Variants in VWF observed in about 807,000 individuals in gnomAD.
VWF encodes Factor VIII related antigen.
VWF carries 176 observed loss-of-function variants against 308.6 expected under a neutral mutation model. That is an observed-to-expected ratio of 0.57 (90% CI 0.50 to 0.65). VWF has a LOEUF of 0.65. Ranked by LOEUF, VWF falls within the 30% of genes least tolerant of loss-of-function variation. The pLI is 0.00. For missense variants in VWF, 3,146 were observed against 3,648.2 expected (o/e 0.86, Z 3.55); for synonymous variants, 1,385 against 1,443.4 (o/e 0.96, Z 0.92).
chr12:5,953,952 G>T, intron 47 of VWF: 4 of 254,448 alleles, frequency 1.6e-5, no homozygotes, highest in South Asian at 1.1e-4. Flanking sequence ...ATCTTTCTCT[G>T]GTATTCCCTA....
intron 47 of VWF, among the ~76,000 whole-genome samples, chr12:5,962,052 T>C (rs1289587966): frequency 5.9e-5 from 9 of 152,124 alleles, no homozygotes; most frequent in Non-Finnish European, 1.5e-5. Context: ...GCACTGCCTA[T>C]GAGGAACAGG....
At chr12:5,975,923 G>A (rs1032964041) in intron 43 of VWF, among the ~76,000 whole-genome samples, 188 bp downstream of exon 43, 1 of 151,892 alleles carries the variant, frequency 6.6e-6, no homozygotes, top group South Asian at 2.1e-4. Context: ...AACCTTTCTT[G>A]CCCTTCCTCG....
chr12:5,981,011 T>C (rs920776459), intron 42 of VWF, among the ~76,000 whole-genome samples: 8 of 152,230 alleles, frequency 5.3e-5, no homozygotes, highest in Admixed American at 4.6e-4. Flanking sequence ...ATCTGTACCA[T>C]TCGTTGACAC....
chr12:6,105,926 C>T (rs908860522), intron 5 of VWF, among the ~76,000 whole-genome samples: 1 of 152,030 alleles, frequency 6.6e-6, no homozygotes, highest in African/African-American at 2.4e-5. Context: ...GCCTGTAGTC[C>T]CAGCTACTCA....
intron 42 of VWF, among the ~76,000 whole-genome samples, chr12:5,976,500 T>A (rs1027679221): frequency 3.3e-5 from 5 of 151,996 alleles, no homozygotes; most frequent in African/African-American, 1.2e-4. Context: ...CGTGAGGCCT[T>A]CATGGTCCCA....
rs1460175399 is a variant in VWF at position 6,046,569 on chromosome 12, A to G, written c.2281+154T>C. 2.0e-5 allele frequency among the ~76,000 whole-genome samples: 3 copies of G among 152,256 alleles called. No homozygotes were observed. The highest frequency in any genetic ancestry group is 2.9e-5 in the Non-Finnish European group (2 of 68,044). ...CCTTGGCCTGAAAGTCACTCACACAAACCCAGAAATGAAGGCGATCCTGGG... is the reference window on the plus strand; with the variant it reads ...CCTTGGCCTGAAAGTCACTCACACAGACCCAGAAATGAAGGCGATCCTGGG... On this transcript the variant is annotated intron_variant, in intron 17 of 51. Transcript: ENST00000261405. The surrounding 1 kb of genome is among the most constrained non-coding windows in gnomAD (Gnocchi z 5.0).
At chr12:5,971,289 G>C (rs1943470270) in intron 44 of VWF, among the ~76,000 whole-genome samples, 1 of 152,234 alleles carries the variant, frequency 6.6e-6, no homozygotes, top group Admixed American at 6.5e-5. Context: ...CTTTGGAGGG[G>C]TGGTGAGGCC....
intron 3 of VWF, among the ~76,000 whole-genome samples, chr12:6,112,426 G>C (rs1591925552): frequency 6.6e-6 from 1 of 152,176 alleles, no homozygotes; most frequent in African/African-American, 2.4e-5. Context: ...GGAAAATAGA[G>C]AGTCTGGTCT....
Position 6,117,448 on chromosome 12 carries a change from C to T in VWF, c.220+3726G>A, listed in dbSNP as rs150237355. Reference sequence around the variant, plus strand: ...CCCAGCAGCCCCTGTCTCTGCATGGCGATTCCAAGTGAACACCCCATGTTA... The same window carrying T: ...CCCAGCAGCCCCTGTCTCTGCATGGTGATTCCAAGTGAACACCCCATGTTA... On this transcript the variant is annotated intron_variant, in intron 3 of 51. Coordinates refer to ENST00000261405, the MANE Select transcript of VWF (RefSeq NM_000552.5). Among the ~76,000 whole-genome samples, 210 of 152,304 alleles carry T rather than the reference C, an allele frequency of 1.4e-3. 3 individuals carry two copies. Among genetic ancestry groups the T allele is most frequent in the Admixed American group, 0.012 (184 of 15,296 alleles).
intron 38 of VWF, 129 bp from the exon 39 acceptor site, chr12:5,985,794 C>T (rs1414443390): frequency 4.7e-6 from 4 of 852,996 alleles, no homozygotes; most frequent in Non-Finnish European, 7.7e-6. Context: ...CAGAGCCTCA[C>T]AGGCAAACAA....
chr12:5,988,001 T>C (rs573958529), intron 38 of VWF, among the ~76,000 whole-genome samples: 2 of 152,308 alleles, frequency 1.3e-5, no homozygotes, highest in South Asian at 4.1e-4. Context: ...TCAATAAAGC[T>C]ATTTGTAAAA....
rs752209524 is a variant in VWF at position 6,092,618 on chromosome 12, A to AGTGTGTGTGT, written c.657+2832_657+2841dup. On this transcript the variant is annotated intron_variant, in intron 6 of 51. Transcript: ENST00000261405. Reference sequence around the variant, plus strand: ...CCCAGCTAGTTAGTGAGTGAGTGAGAGTGTGTGTGTGTGTGTGTGTGTGTG... The same window carrying AGTGTGTGTGT: ...CCCAGCTAGTTAGTGAGTGAGTGAGAGTGTGTGTGTGTGTGTGTGTGTGTGTGTGTGTGTG... 2.9e-3 allele frequency among the ~76,000 whole-genome samples: 193 copies of AGTGTGTGTGT among 66,200 alleles called. 2 individuals are homozygous for AGTGTGTGTGT. Among genetic ancestry groups the AGTGTGTGTGT allele is most frequent in the East Asian group, 5.6e-3 (12 of 2,128 alleles). 43.4% of individuals were successfully genotyped at this position (66,200 alleles called of 152,430 possible).
intron 7 of VWF, among the ~76,000 whole-genome samples, chr12:6,074,379 C>T (rs1350322319): frequency 1.3e-5 from 2 of 151,796 alleles, no homozygotes; most frequent in African/African-American, 2.4e-5. Context: ...GACTGAAAGA[C>T]CGAAACACAT....
intron 15 of VWF, among the ~76,000 whole-genome samples, chr12:6,054,351 G>C (rs144766827): frequency 6.6e-6 from 1 of 152,178 alleles, no homozygotes; most frequent in Non-Finnish European, 1.5e-5. Flanking sequence ...GTTAAGACAG[G>C]ATGTGTTAGA....
At chr12:6,029,536 G>T in intron 21 of VWF, 48 bp from the exon 22 acceptor site, 1 of 1,609,654 alleles carries the variant, frequency 6.2e-7, no homozygotes, top group South Asian at 1.1e-5. Context: ...GGGCAGGCTC[G>T]ACAGCCAGAT....
In VWF at chr12:6,016,814, C is replaced by G; in HGVS notation, c.5110G>C (p.Ala1704Pro). The G allele has an allele frequency of 6.2e-7, 1 of 1,614,092 alleles. No homozygotes were observed. The highest frequency in any genetic ancestry group is 8.5e-7 in the Non-Finnish European group (1 of 1,180,048). Residue 1704 changes from alanine (A) to proline (P), a missense_variant, in exon 29 of 52, where the codon GCT (alanine) becomes CCT (proline). Physicochemically the swap from Ala to Pro is conservative, Grantham distance 27. Transcript: ENST00000261405. ...CTCTTCATTTCATCAAAATAAGAAG[C>G]TGGGAAACTGGAGGAGCCATCCAGG... is the stretch of plus-strand genomic sequence containing the variant. ...LLLDGSSSFP[A>P]SYFDEMKSFA...
chr12:6,017,346 T>C (rs1469504449), intron 28 of VWF, among the ~76,000 whole-genome samples: 1 of 152,250 alleles, frequency 6.6e-6, no homozygotes, highest in East Asian at 1.9e-4. Flanking sequence ...AGTGCTCCTG[T>C]TAGTGTCTGA....
intron 18 of VWF, among the ~76,000 whole-genome samples, chr12:6,041,025 G>A (rs1392291928): frequency 6.6e-6 from 1 of 152,178 alleles, no homozygotes; most frequent in Non-Finnish European, 1.5e-5. Context: ...CTAAGAGAAA[G>A]TGTTTAGAAA....
Position 6,075,324 on chromosome 12 carries a change from G to T in VWF, c.874+11C>A, listed in dbSNP as rs1944829758. The T allele has an allele frequency of 1.2e-6, 2 of 1,613,824 alleles. No individual in the cohort carries two copies. Among genetic ancestry groups the T allele is most frequent in the East Asian group, 4.5e-5 (2 of 44,876 alleles). On this transcript the variant is annotated intron_variant, in intron 7 of 51. Transcript: ENST00000261405. The surrounding 1 kb of genome is among the most constrained non-coding windows in gnomAD (Gnocchi z 4.7). ...CCCGGCAGGGCAGGACGGGGCAGGG[G>T]GCCGACTTACTGCACGCGCTGTGGT... is the stretch of plus-strand genomic sequence containing the variant.
Sources: allele counts gnomAD v4.1 joint callset (sites outside exome capture counted in the v4.1 genomes callset), GRCh38; gene constraint gnomAD v4.1.1; non-coding constraint Gnocchi (gnomAD v3.1); transcripts MANE v1.5; gene names NCBI Gene and HGNC (gene_info 2026-07-23, HGNC 2026-07-21).